Variants in MBNL1 observed in about 807,000 individuals in gnomAD.
MBNL1 encodes the protein muscleblind like splicing regulator 1.
MBNL1 carries 8 observed loss-of-function variants against 42.2 expected under a neutral mutation model. The observed-to-expected ratio is 0.19, with a 90% confidence interval of 0.11 to 0.34. The LOEUF (loss-of-function observed/expected upper bound fraction) is 0.34, where lower values mean the gene tolerates loss of function less well. Among genes scored for constraint, MBNL1 ranks in the 10% least tolerant of loss-of-function variants. MBNL1 has a pLI of 1.00. For missense variants in MBNL1, 309 were observed against 495.3 expected, an observed-to-expected ratio of 0.62 and a Z score of 3.57; for synonymous variants, 169 against 173.9, an observed-to-expected ratio of 0.97 and a Z score of 0.22.
chr3:152,247,393 G>A (rs1345580977), intron 2 of MBNL1, among the ~76,000 whole-genome samples: 1 of 151,734 alleles, frequency 6.6e-6, no homozygotes, highest in Non-Finnish European at 1.5e-5. Context: ...AAAAATATGA[G>A]CTATGACAGT....
rs778276464 is a variant in MBNL1, at chr3:152,415,020, A to G, written c.254A>G (p.Asn85Ser). The change falls in exon 3 of 10, where the codon AAT (asparagine) becomes AGT (serine). Residue 85 changes from asparagine to serine, a missense_variant. Asn to Ser is a conservative substitution (Grantham distance 46, BLOSUM62 1). Transcript: ENST00000324210. The part of the protein sequence containing the change: ...LKTQLEINGR[N>S]NLIQQKNMAM... ...ACGCAGTTGGAGATAAATGGACGCA[A>G]TAACTTGATTCAGCAGAAGAACATG... 6.2e-7 allele frequency: 1 copy of G among 1,609,512 alleles called. No homozygotes were observed. Among genetic ancestry groups the G allele is most frequent in the Non-Finnish European group, 8.5e-7 (1 of 1,178,688 alleles).
intron 2 of MBNL1, among the ~76,000 whole-genome samples, chr3:152,254,197 G>A (rs1285006245): frequency 3.9e-5 from 6 of 152,246 alleles, no homozygotes; most frequent in East Asian, 1.9e-4. Flanking sequence ...TATTTTGTCC[G>A]TGTTGAGTCA....
chr3:152,288,486 T>A (rs1269586045), intron 1 of MBNL1, among the ~76,000 whole-genome samples: 1 of 152,184 alleles, frequency 6.6e-6, no homozygotes, highest in Non-Finnish European at 1.5e-5. Flanking sequence ...GCATTATGTA[T>A]AGCAGTTGTC....
At chr3:152,277,122 T>C (rs1397884233) in intron 1 of MBNL1, among the ~76,000 whole-genome samples, 2 of 152,204 alleles carry the variant, frequency 1.3e-5, no homozygotes, top group East Asian at 3.8e-4. Context: ...TTTAAAATTG[T>C]ATTTTATCAG....
At position 152,432,780 on chromosome 3, in the gene MBNL1, C is replaced by T; in HGVS notation, c.409C>T (p.Leu137=). 1.9e-6 allele frequency: 3 copies of T among 1,614,244 alleles called. No homozygotes were observed. Among genetic ancestry groups the T allele is most frequent in the South Asian group, 2.2e-5 (2 of 91,088 alleles). ...NASAAAFNPY[L]GPVSPSLVPA... ...ATCAGCAGCCGCCTTTAATCCCTATCTGGGACCTGTTTCTCCAAGCCTGGT... is the reference window on the plus strand; with the variant it reads ...ATCAGCAGCCGCCTTTAATCCCTATTTGGGACCTGTTTCTCCAAGCCTGGT... The change falls in exon 4 of 10, where the codon CTG becomes TTG. Residue 137 remains leucine, a synonymous_variant. Transcript: ENST00000324210.
upstream of MBNL1, chr3:152,265,075 T>C (rs1041448114): frequency 6.6e-5 from 10 of 152,182 alleles, no homozygotes; most frequent in African/African-American, 1.9e-4. Context: ...CTGAACAAGT[T>C]TGAATTCTAC....
intron 2 of MBNL1, among the ~76,000 whole-genome samples, chr3:152,315,592 C>T (rs1277903042): frequency 6.6e-6 from 1 of 151,888 alleles, no homozygotes; most frequent in African/African-American, 2.4e-5. Context: ...TTTTCTTTGA[C>T]ATTATTTTGC....
intron 5 of MBNL1, among the ~76,000 whole-genome samples, 196 bp from the exon 6 acceptor site, chr3:152,447,424 C>G (rs945671217): frequency 2.0e-5 from 3 of 147,746 alleles, no homozygotes; most frequent in Non-Finnish European, 4.5e-5. Context: ...ATAATGCTTC[C>G]TTTAAAGCTT....
At chr3:152,358,830 A>C (rs1406166307) in intron 2 of MBNL1, among the ~76,000 whole-genome samples, 1 of 151,996 alleles carries the variant, frequency 6.6e-6, no homozygotes, top group Non-Finnish European at 1.5e-5. Context: ...GGCTGGTCTC[A>C]AACTCCTGGG....
At chr3:152,360,685 CA>C (rs1158346238) in intron 2 of MBNL1, among the ~76,000 whole-genome samples, 1 of 152,028 alleles carries the variant, frequency 6.6e-6, no homozygotes, top group Non-Finnish European at 1.5e-5. Flanking sequence ...ATTTTCTCCT[CA>C]GCTTTTATTT....
intron 1 of MBNL1, 171 bp downstream of exon 1, chr3:152,269,263 C>T: frequency 5.7e-6 from 2 of 351,658 alleles, no homozygotes; most frequent in South Asian, 2.1e-5. Flanking sequence ...ACCTCCTGCC[C>T]GGGGGAAGGC....
At chr3:152,294,430 C>T (rs1210193975) in intron 1 of MBNL1, among the ~76,000 whole-genome samples, 1 of 151,774 alleles carries the variant, frequency 6.6e-6, no homozygotes, top group Non-Finnish European at 1.5e-5. Flanking sequence ...GCTACAGGTG[C>T]CCGCCACTAT....
intron 6 of MBNL1, among the ~76,000 whole-genome samples, chr3:152,454,692 C>G (rs1470549862): frequency 6.6e-6 from 1 of 152,182 alleles, no homozygotes. Flanking sequence ...CTCTCCCACT[C>G]AAGGTTTTTA....
chr3:152,432,758 A>G lies in MBNL1; in HGVS notation c.387A>G (p.Ser129=). The G allele has an allele frequency of 1.2e-6, 2 of 1,614,224 alleles. No homozygotes were observed. The highest frequency in any genetic ancestry group is 2.2e-5 in the South Asian group (2 of 91,088). ...SVAPSLATNA[S]AAAFNPYLGP... is the part of the protein sequence containing the mutation. ...CACCAAGCTTAGCCACCAATGCATC[A>G]GCAGCCGCCTTTAATCCCTATCTGG... Residue 129 remains serine (S), a synonymous_variant, in exon 4 of 10, where the codon TCA becomes TCG. Coordinates refer to ENST00000324210, the MANE Select transcript of MBNL1 (RefSeq NM_021038.5).
At chr3:152,449,317 C>A (rs1377935996) in intron 6 of MBNL1, 1 of 152,208 alleles carries the variant, frequency 6.6e-6, no homozygotes, top group Non-Finnish European at 1.5e-5. Context: ...TGTTCACAGT[C>A]AGTTACAGAT....
chr3:152,274,383 C>T (rs2043669933), intron 1 of MBNL1, among the ~76,000 whole-genome samples: 1 of 151,732 alleles, frequency 6.6e-6, no homozygotes, highest in African/African-American at 2.4e-5. Context: ...ACGTTGTCCT[C>T]AAAAAAATAA....
upstream of MBNL1, chr3:152,268,860 G>A (rs772933332): frequency 4.4e-6 from 2 of 453,456 alleles, no homozygotes; most frequent in East Asian, 7.0e-5. Flanking sequence ...TGGGCGGGCG[G>A]GGGAGGGGCC....
At chr3:152,387,474 ATT>A (rs1382568312) in intron 2 of MBNL1, among the ~76,000 whole-genome samples, 3 of 152,074 alleles carry the variant, frequency 2.0e-5, no homozygotes, top group African/African-American at 7.2e-5. Flanking sequence ...GAAACTGTAT[ATT>A]TCCCCCTCTT....
intron 2 of MBNL1, among the ~76,000 whole-genome samples, chr3:152,345,670 T>A (rs2094123944): frequency 6.6e-6 from 1 of 152,124 alleles, no homozygotes; most frequent in Non-Finnish European, 1.5e-5. Flanking sequence ...TTGCAGAAAC[T>A]ACTAATTTTC....
Sources: gnomAD v4.1 joint callset for allele counts (sites outside exome capture counted in the v4.1 genomes callset) on GRCh38, gnomAD v4.1.1 for gene constraint, MANE v1.5 for transcripts, NCBI Gene and HGNC (gene_info 2026-07-23, HGNC 2026-07-21) for gene names.